Variants in INPP4B observed in about 807,000 individuals in gnomAD.
INPP4B encodes the protein inositol polyphosphate 4-phosphatase type II.
In INPP4B, 55 loss-of-function variants were observed where a neutral mutation model predicts 122.5. The ratio of observed to expected loss-of-function variants is 0.45; its 90% CI spans 0.36 to 0.56. The LOEUF (loss-of-function observed/expected upper bound fraction) is 0.56, where lower values mean the gene tolerates loss of function less well. Among genes scored for constraint, INPP4B ranks in the 20% least tolerant of loss-of-function variants. The probability of loss-of-function intolerance (pLI) is 0.00; values close to 1 mark genes in which losing one functional copy is unlikely to be tolerated. For missense variants in INPP4B, 1,000 were observed against 1,097.7 expected, an observed-to-expected ratio of 0.91 and a Z score of 1.26; for synonymous variants, 403 against 388.7, an observed-to-expected ratio of 1.04 and a Z score of -0.43.
At chr4:142,835,861 T>G (rs1048094225) in intron 1 of INPP4B, among the ~76,000 whole-genome samples, 1 of 152,146 alleles carries the variant, frequency 6.6e-6, no homozygotes, top group African/African-American at 2.4e-5. Flanking sequence ...AAAGAAACAT[T>G]TTCAAGCTTC....
At chr4:142,448,936 G>A (rs927649815) in intron 3 of INPP4B, among the ~76,000 whole-genome samples, 3 of 152,220 alleles carry the variant, frequency 2.0e-5, no homozygotes, top group East Asian at 1.9e-4. Flanking sequence ...GGCTTCTCAC[G>A]GAGACCCCTG....
intron 23 of INPP4B, among the ~76,000 whole-genome samples, chr4:142,090,900 T>C (rs1779221382): frequency 6.6e-6 from 1 of 152,122 alleles, no homozygotes; most frequent in Non-Finnish European, 1.5e-5. Flanking sequence ...TCAACATGGA[T>C]ATATCACAAA....
At chr4:142,124,358 C>T (rs1256448029) in intron 19 of INPP4B, among the ~76,000 whole-genome samples, 1 of 152,104 alleles carries the variant, frequency 6.6e-6, no homozygotes, top group Non-Finnish European at 1.5e-5. Flanking sequence ...GCAGAATTTA[C>T]ATGTTAGAGA....
chr4:142,387,138 T>A (rs568887700), intron 7 of INPP4B, among the ~76,000 whole-genome samples: 2 of 152,170 alleles, frequency 1.3e-5, no homozygotes, highest in Non-Finnish European at 2.9e-5. Context: ...GCCTCTTACA[T>A]CCCACTGGGT....
chr4:142,364,512 T>G (rs729742), intron 7 of INPP4B, among the ~76,000 whole-genome samples: 3,775 of 152,094 alleles, frequency 0.025, 161 homozygotes, highest in African/African-American at 0.087. Flanking sequence ...GTGCAGGGTA[T>G]TTTTTATCTT....
intron 1 of INPP4B, among the ~76,000 whole-genome samples, chr4:142,795,767 T>C (rs571838001): frequency 6.6e-6 from 1 of 152,114 alleles, no homozygotes; most frequent in African/African-American, 2.4e-5. Context: ...TCATCTCTGT[T>C]CACCCAATGC....
chr4:142,831,729 T>C (rs1289881115), intron 1 of INPP4B, among the ~76,000 whole-genome samples: 1 of 152,148 alleles, frequency 6.6e-6, no homozygotes, highest in Non-Finnish European at 1.5e-5. Flanking sequence ...ACCTCACACA[T>C]CAGCAAATAT....
intron 2 of INPP4B, among the ~76,000 whole-genome samples, chr4:142,692,115 T>C (rs753284175): frequency 6.6e-6 from 1 of 152,174 alleles, no homozygotes; most frequent in African/African-American, 2.4e-5. Context: ...TAGGTTATCA[T>C]GAAGGAGCCA....
chr4:142,619,176 G>A (rs1334011622), intron 2 of INPP4B, among the ~76,000 whole-genome samples: 1 of 151,456 alleles, frequency 6.6e-6, no homozygotes, highest in Non-Finnish European at 1.5e-5. Context: ...ACAGTATGGA[G>A]ATTCCTAAAA....
chr4:142,239,698 C>T (rs1858354117), intron 11 of INPP4B, among the ~76,000 whole-genome samples: 2 of 151,916 alleles, frequency 1.3e-5, no homozygotes, highest in Admixed American at 6.6e-5. Context: ...GTCCATATAC[C>T]AAATATGAGA....
intron 4 of INPP4B, 67 bp downstream of exon 4, chr4:142,431,102 T>C (rs1026391923): frequency 2.7e-6 from 3 of 1,118,956 alleles, no homozygotes; most frequent in Non-Finnish European, 4.1e-6. Context: ...TGTATGTATG[T>C]GTAAGTTTCA....
chr4:142,028,881 A>C lies in INPP4B; in HGVS notation c.2676T>G (p.Asn892Lys). The C allele has an allele frequency of 6.2e-7, 1 of 1,613,488 alleles. No individual in the cohort carries two copies. The highest frequency in any genetic ancestry group is 8.5e-7 in the Non-Finnish European group (1 of 1,179,640). Residue 892 changes from asparagine (N) to lysine (K), a missense_variant, in exon 26 of 26, where the codon AAT becomes AAG. Asn to Lys is a moderately conservative substitution (Grantham distance 94). Transcript: ENST00000262992. The part of the protein sequence containing the change: ...EGCRIENVLK[N>K]IKCRKYAFNM... Reference sequence around the variant, plus strand: ...TGAAAGCATACTTTCTGCATTTGATATTCTTCAGTACATTCTCTATGCGGC... The same window carrying C: ...TGAAAGCATACTTTCTGCATTTGATCTTCTTCAGTACATTCTCTATGCGGC...
chr4:142,511,045 T>G (rs952788414), intron 2 of INPP4B, among the ~76,000 whole-genome samples: 1 of 152,302 alleles, frequency 6.6e-6, no homozygotes, highest in African/African-American at 2.4e-5. Context: ...TCATTTTTTA[T>G]TCCTCTATAA....
intron 7 of INPP4B, among the ~76,000 whole-genome samples, chr4:142,398,321 T>G (rs1390034613): frequency 7.3e-6 from 1 of 136,086 alleles, no homozygotes; most frequent in Non-Finnish European, 1.5e-5. Context: ...GAGCTTGCAG[T>G]GAGCCGAGAT....
chr4:142,540,021 C>T (rs1182705713), intron 2 of INPP4B, among the ~76,000 whole-genome samples: 1 of 152,024 alleles, frequency 6.6e-6, no homozygotes, highest in Non-Finnish European at 1.5e-5. Flanking sequence ...TCCTTTTTAA[C>T]TCCAAATCAC....
chr4:142,038,850 T>G (rs1745576352), intron 25 of INPP4B, among the ~76,000 whole-genome samples: 1 of 152,172 alleles, frequency 6.6e-6, no homozygotes, highest in South Asian at 2.1e-4. Context: ...TACGACGTCT[T>G]TTTAGATATT....
Position 142,305,549 on chromosome 4 carries a change from A to G in INPP4B, c.424-12T>C. 1 of 1,606,580 alleles carries G rather than the reference A, an allele frequency of 6.2e-7. No individual in the cohort carries two copies. The stretch of plus-strand genomic sequence containing the variant: ...CCCAAGAAACTTCGCTGAAAATAAC[A>G]GAAAGAATGGTTTCATTAACTTGAG... On this transcript the variant is annotated splice_polypyrimidine_tract_variant and intron_variant, in intron 8 of 25. Transcript: ENST00000262992.
chr4:142,056,304 G>C (rs1348473297), intron 25 of INPP4B, among the ~76,000 whole-genome samples: 1 of 152,046 alleles, frequency 6.6e-6, no homozygotes, highest in Non-Finnish European at 1.5e-5. Flanking sequence ...GGCTGAGTTT[G>C]AAATATTTTC....
At chr4:142,255,548 G>A (rs1263921152) in intron 11 of INPP4B, among the ~76,000 whole-genome samples, 1 of 152,120 alleles carries the variant, frequency 6.6e-6, no homozygotes, top group African/African-American at 2.4e-5. Context: ...GGCAGGGGTT[G>A]CAATCCTAGT....
Sources: allele counts gnomAD v4.1 joint callset (sites outside exome capture counted in the v4.1 genomes callset), GRCh38; gene constraint gnomAD v4.1.1; transcripts MANE v1.5; gene names NCBI Gene and HGNC (gene_info 2026-07-23, HGNC 2026-07-21).